LMNTD1: variants seen among roughly 807,000 people sequenced by gnomAD.
LMNTD1 encodes the protein lamin tail domain containing 1, also known as lamin tail domain-containing protein 1.
In LMNTD1, 35 loss-of-function variants were observed where a neutral mutation model predicts 50.9. The observed-to-expected ratio is 0.69, with a 90% CI of 0.53 to 0.91. LMNTD1 has a LOEUF of 0.91. LMNTD1 is among the 40% of genes least tolerant of loss of function. The pLI, the probability that LMNTD1 is intolerant of heterozygous loss-of-function variation, is 0.00. For synonymous variants in LMNTD1, 153 were observed against 161.9 expected (o/e 0.94, Z 0.42); for missense variants, 470 against 475.5 (o/e 0.99, Z 0.11).
chr12:25,547,969 T>G (rs1202411632), intron 3 of LMNTD1, among the ~76,000 whole-genome samples: 1 of 151,818 alleles, frequency 6.6e-6, no homozygotes, highest in Non-Finnish European at 1.5e-5. Flanking sequence ...TATTTCATTT[T>G]TTTGCCCCAT....
rs908607875 is a variant in LMNTD1 at position 25,526,010 on chromosome 12, TATAAA to T, written c.798+84_798+88del. 4.7e-6 allele frequency: 5 copies of T among 1,071,746 alleles called. No individual in the cohort carries two copies. The African/African-American group carries it at 6.7e-5, about 14-fold the overall frequency. 66.4% of individuals were successfully genotyped at this position (1,071,746 alleles called of 1,614,324 possible). A position where few individuals can be genotyped will look rare whatever the true frequency, so the allele number is the denominator to read the frequency against. ...GACATTTATGCACTTAGACACATTG[TATAAA>T]ATAAAAAGAATAAAAAATACAGATA... On this transcript the variant is annotated intron_variant, in intron 6 of 9. Transcript: ENST00000458174.
chr12:25,585,946 C>T (rs1209970486), intron 1 of LMNTD1: 3 of 152,204 alleles, frequency 2.0e-5, no homozygotes, highest in Non-Finnish European at 4.4e-5. Flanking sequence ...AAAGGATGAA[C>T]TCACTTGCCC....
intron 1 of LMNTD1, among the ~76,000 whole-genome samples, chr12:25,620,616 T>G (rs565705512): frequency 2.9e-4 from 44 of 152,300 alleles, no homozygotes; most frequent in Non-Finnish European, 5.3e-4. Flanking sequence ...CAGGTATACA[T>G]GAGTTTCTCA....
chr12:25,641,666 G>C (rs1400975939), intron 1 of LMNTD1, among the ~76,000 whole-genome samples: 1 of 152,038 alleles, frequency 6.6e-6, no homozygotes, highest in Non-Finnish European at 1.5e-5. Flanking sequence ...TTATCCACAA[G>C]GGTAAACATT....
chr12:25,531,262 T>C (rs1176523345), intron 4 of LMNTD1, among the ~76,000 whole-genome samples: 2 of 152,238 alleles, frequency 1.3e-5, no homozygotes, highest in Non-Finnish European at 2.9e-5. Flanking sequence ...CCTAGAGAAC[T>C]ATGTGTTAAT....
chr12:25,583,341 A>AC (rs1366007402), intron 1 of LMNTD1, among the ~76,000 whole-genome samples: 1 of 59,752 alleles, frequency 1.7e-5, no homozygotes, highest in African/African-American at 3.7e-5. Context: ...ATGTTTTTAA[A>AC]AAATTTTAGT....
At chr12:25,644,859 A>G (rs1345199053) in intron 1 of LMNTD1, among the ~76,000 whole-genome samples, 2 of 152,198 alleles carry the variant, frequency 1.3e-5, no homozygotes, top group African/African-American at 4.8e-5. Context: ...CAGAGACAAT[A>G]TGGGCACAGA....
Position 25,624,490 on chromosome 12 carries a change from C to T in LMNTD1, c.58+24004G>A, listed in dbSNP as rs146022913. Among the ~76,000 whole-genome samples the T allele has an allele frequency of 1.4e-3, 218 of 152,318 alleles. 1 individual carries two copies. The highest frequency in any genetic ancestry group is 5.1e-3 in the African/African-American group (211 of 41,584). On this transcript the variant is annotated intron_variant, in intron 1 of 7. Coordinates refer to the LMNTD1 transcript ENST00000445693. ...AGTAGAAAAAAGAGCTCACCAGCCA[C>T]AGCTAGAGAGCCTGATGGTGTGGAT...
At chr12:25,563,973 C>T (rs576107094) in intron 1 of LMNTD1, among the ~76,000 whole-genome samples, 111 of 152,168 alleles carry the variant, frequency 7.3e-4, no homozygotes, top group Admixed American at 1.7e-3. Context: ...CCTGGTGTGC[C>T]GTTTGCTAAG....
At chr12:25,509,638 C>T (rs1283009626) in intron 8 of LMNTD1, among the ~76,000 whole-genome samples, 1 of 152,122 alleles carries the variant, frequency 6.6e-6, no homozygotes, top group Non-Finnish European at 1.5e-5. Flanking sequence ...GCGAACATGA[C>T]TTTATTTGGA....
intron 1 of LMNTD1, among the ~76,000 whole-genome samples, chr12:25,632,111 A>C (rs1946731501): frequency 6.6e-6 from 1 of 152,210 alleles, no homozygotes; most frequent in Non-Finnish European, 1.5e-5. Context: ...AAGAAAAAAG[A>C]ATAAGAAAAT....
chr12:25,595,915 T>A (rs1470672062), intron 1 of LMNTD1, among the ~76,000 whole-genome samples: 2 of 152,040 alleles, frequency 1.3e-5, no homozygotes, highest in Non-Finnish European at 2.9e-5. Context: ...ATATTATAAA[T>A]GACACCACAG....
chr12:25,535,382 C>A (rs1350679636), intron 4 of LMNTD1, among the ~76,000 whole-genome samples: 1 of 151,044 alleles, frequency 6.6e-6, no homozygotes, highest in Non-Finnish European at 1.5e-5. Flanking sequence ...AGAGAGGAAG[C>A]AGGGACAAAA....
chr12:25,521,457 T>C (rs1038274671), intron 6 of LMNTD1, among the ~76,000 whole-genome samples: 2 of 152,192 alleles, frequency 1.3e-5, no homozygotes, highest in Admixed American at 6.5e-5. Flanking sequence ...CATTTACCTG[T>C]GTGTGCGGCT....
At chr12:25,636,449 C>G (rs1021922206) in intron 1 of LMNTD1, among the ~76,000 whole-genome samples, 1 of 152,054 alleles carries the variant, frequency 6.6e-6, no homozygotes, top group Non-Finnish European at 1.5e-5. Context: ...CTTACTCCTG[C>G]AAGAATGGCC....
intron 9 of LMNTD1, among the ~76,000 whole-genome samples, chr12:25,496,000 G>A (rs1321913439): frequency 6.6e-6 from 1 of 152,196 alleles, no homozygotes; most frequent in Admixed American, 6.5e-5. Flanking sequence ...GAAGATCAAT[G>A]AATCAGAGAT....
At chr12:25,634,218 C>G (rs573788311) in intron 1 of LMNTD1, among the ~76,000 whole-genome samples, 1 of 152,260 alleles carries the variant, frequency 6.6e-6, no homozygotes, top group East Asian at 1.9e-4. Context: ...AAGTCCAGGA[C>G]TAGATGGATT....
rs151140890 is a variant in LMNTD1 at position 25,518,903 on chromosome 12, A to G, written c.1081T>C (p.Ser361Pro). 6.2e-7 allele frequency: 1 copy of G among 1,614,146 alleles called. No homozygotes were observed. Among genetic ancestry groups the G allele is most frequent in the Non-Finnish European group, 8.5e-7 (1 of 1,180,010 alleles). Residue 361 changes from serine to proline, a missense_variant, in exon 8 of 10, where the codon TCT becomes CCT. Physicochemically the swap from Ser to Pro is moderately conservative, Grantham distance 74. Transcript: ENST00000458174. The part of the protein sequence containing the change: ...RSPWCQNPYV[S>P]AHPYCPLIEP... ...ATCAGAGGACAGTAAGGATGTGCAG[A>G]GACATAGGGATTCTGGCACCAAGGG...
chr12:25,552,760 T>C, intron 2 of LMNTD1, 111 bp downstream of exon 2: 1 of 667,076 alleles, frequency 1.5e-6, no homozygotes, highest in Non-Finnish European at 2.6e-6. Context: ...AGATATATTC[T>C]AGTTCTAACT....
Sources: gnomAD v4.1 joint callset for allele counts (sites outside exome capture counted in the v4.1 genomes callset) on GRCh38, gnomAD v4.1.1 for gene constraint, MANE v1.5 for transcripts, NCBI Gene and HGNC (gene_info 2026-07-23, HGNC 2026-07-21) for gene names.